CHLSN: variants seen among roughly 807,000 people sequenced by gnomAD.
CHLSN encodes cholesin, also known as protein cholesin.
the CHLSN span, among the ~76,000 whole-genome samples, chr7:1,081,590 C>T: frequency 6.6e-6 from 1 of 152,244 alleles, no homozygotes; most frequent in Non-Finnish European, 1.5e-5. Context: ...TCAGGTCACG[C>T]TTACGTCGTT....
the CHLSN span, chr7:985,471 G>C: frequency 1.1e-6 from 1 of 934,184 alleles, no homozygotes; most frequent in Admixed American, 2.7e-5. Flanking sequence ...CCTGAATCAG[G>C]ACCCATCCGA....
chr7:1,054,625 G>T, the CHLSN span, among the ~76,000 whole-genome samples: 1 of 152,194 alleles, frequency 6.6e-6, no homozygotes. Context: ...TTGGCCTCAC[G>T]GCGGGGCAGG....
At chr7:1,065,635 C>T in the CHLSN span, among the ~76,000 whole-genome samples, 2 of 152,180 alleles carry the variant, frequency 1.3e-5, 1 homozygote, top group South Asian at 4.1e-4. Flanking sequence ...GACACAGCGG[C>T]GACGAGGGCC....
the CHLSN span, among the ~76,000 whole-genome samples, chr7:1,042,495 C>T: frequency 6.6e-6 from 1 of 152,180 alleles, no homozygotes; most frequent in South Asian, 2.1e-4. Context: ...AGAGTGTTTA[C>T]ACCTCCAGCT....
At chr7:1,083,663 A>T in the CHLSN span, among the ~76,000 whole-genome samples, 2 of 151,290 alleles carry the variant, frequency 1.3e-5, no homozygotes, top group African/African-American at 4.9e-5. Context: ...AAAACACGAG[A>T]GTGTGGAGGC....
the CHLSN span, chr7:1,026,244 C>A: frequency 6.6e-6 from 1 of 152,270 alleles, no homozygotes; most frequent in Non-Finnish European, 1.5e-5. Flanking sequence ...CTCCTCGTTT[C>A]TTTCGCTACT....
At chr7:986,428 G>A in the CHLSN span, 1 of 633,822 alleles carries the variant, frequency 1.6e-6, no homozygotes, top group Non-Finnish European at 2.7e-6. Context: ...TCCCCTTCCG[G>A]GACACGGACA....
At chr7:1,072,525 T>C in the CHLSN span, among the ~76,000 whole-genome samples, 1 of 152,336 alleles carries the variant, frequency 6.6e-6, no homozygotes, top group African/African-American at 2.4e-5. Flanking sequence ...GATATGATCA[T>C]TGCATCTGAG....
At chr7:1,115,778 G>A in the CHLSN span, among the ~76,000 whole-genome samples, 225 of 111,644 alleles carry the variant, frequency 2.0e-3, 10 homozygotes, top group African/African-American at 7.2e-3. Context: ...ACTACGGACC[G>A]GCTTCCATCA....
At chr7:1,046,679 C>G in the CHLSN span, among the ~76,000 whole-genome samples, 8 of 152,102 alleles carry the variant, frequency 5.3e-5, no homozygotes, top group Non-Finnish European at 7.4e-5. Context: ...CGTGTGCAAA[C>G]AAAATACCCC....
chr7:1,036,339 G>C, the CHLSN span, among the ~76,000 whole-genome samples: 1 of 151,474 alleles, frequency 6.6e-6, no homozygotes, highest in African/African-American at 2.4e-5. Context: ...TCGTGCTGTG[G>C]CCGTGCAGGG....
chr7:1,024,382 C>T, the CHLSN span: 1 of 152,328 alleles, frequency 6.6e-6, no homozygotes, highest in East Asian at 1.9e-4. Flanking sequence ...CACACACCAA[C>T]GATGTAGGCG....
At chr7:1,065,673 GGGCGACGGA>G in the CHLSN span, among the ~76,000 whole-genome samples, 1 of 152,216 alleles carries the variant, frequency 6.6e-6, no homozygotes, top group African/African-American at 2.4e-5. Flanking sequence ...GGCCAGGGAG[GGGCGACGGA>G]GGCGGTCTCC....
the CHLSN span, among the ~76,000 whole-genome samples, chr7:1,086,464 G>C: frequency 6.6e-6 from 1 of 152,278 alleles, no homozygotes; most frequent in African/African-American, 2.4e-5. Context: ...TCTACTGCTG[G>C]AAGAAAACTC....
the CHLSN span, chr7:1,023,091 G>A: frequency 5.3e-5 from 22 of 417,072 alleles, no homozygotes; most frequent in Non-Finnish European, 9.3e-5. This position sits in a 1 kb window ranked among gnomAD's most constrained non-coding sequence, Gnocchi z 5.0. Flanking sequence ...CTGCCATGGT[G>A]CCGTGGCAAT....
chr7:1,039,435 C>G, the CHLSN span, among the ~76,000 whole-genome samples: 1 of 67,948 alleles, frequency 1.5e-5, no homozygotes, highest in Admixed American at 1.3e-4. Context: ...TCAGCCCCCC[C>G]GCCCGGCCAG....
At chr7:1,072,010 T>C in the CHLSN span, among the ~76,000 whole-genome samples, 3 of 152,048 alleles carry the variant, frequency 2.0e-5, no homozygotes, top group African/African-American at 7.2e-5. Context: ...CACCCAACAG[T>C]CACCCAGCCA....
the CHLSN span, among the ~76,000 whole-genome samples, chr7:1,091,061 C>T: frequency 3.9e-5 from 6 of 152,158 alleles, no homozygotes; most frequent in Non-Finnish European, 7.3e-5. Flanking sequence ...TCACAAATGC[C>T]GTTGTCCTGG....
At chr7:1,016,682 G>C in the CHLSN span, among the ~76,000 whole-genome samples, 6,881 of 39,092 alleles carry the variant, frequency 0.18, 947 homozygotes, top group African/African-American at 0.34. Context: ...CACACGCCAG[G>C]GCACAGCAGC....
Sources: gnomAD v4.1 joint callset for allele counts (sites outside exome capture counted in the v4.1 genomes callset) on GRCh38, gnomAD v4.1.1 for gene constraint, Gnocchi (gnomAD v3.1) non-coding constraint, MANE v1.5 for transcripts, NCBI Gene and HGNC (gene_info 2026-07-23, HGNC 2026-07-21) for gene names.